SORD: variants seen among roughly 807,000 people sequenced by gnomAD.
SORD encodes the protein (R,R)-butanediol dehydrogenase.
Under a neutral mutation model 35.6 loss-of-function variants are expected in SORD, and 18 were observed. The ratio of observed to expected loss-of-function variants is 0.51; its 90% CI spans 0.35 to 0.75. The LOEUF (loss-of-function observed/expected upper bound fraction) is 0.75. Among genes scored for constraint, SORD ranks in the 30% least tolerant of loss-of-function variants. SORD has a pLI of 0.01. For synonymous variants in SORD, 106 were observed against 152.9 expected, an observed-to-expected ratio of 0.69 and a Z score of 2.26; for missense variants, 250 against 390.2, an observed-to-expected ratio of 0.64 and a Z score of 3.03.
At chr15:45,028,040 A>G (rs1892705962) in intron 1 of SORD, among the ~76,000 whole-genome samples, 1 of 152,258 alleles carries the variant, frequency 6.6e-6, no homozygotes, top group Admixed American at 6.5e-5. Flanking sequence ...AAAATGCTAT[A>G]AACAGCCAGG....
chr15:45,060,843 A>G, intron 3 of SORD: 1 of 862,908 alleles, frequency 1.2e-6, no homozygotes, highest in East Asian at 3.3e-5. Context: ...TCTGTGCTTC[A>G]TCCCAAGTTT....
intron 3 of SORD, among the ~76,000 whole-genome samples, chr15:45,049,932 A>T (rs954779646): frequency 5.9e-5 from 9 of 152,260 alleles, no homozygotes; most frequent in African/African-American, 2.2e-4. Flanking sequence ...TGTCAAAAAC[A>T]AATCACAGTA....
chr15:45,062,735 G>A (rs71480279), intron 4 of SORD, among the ~76,000 whole-genome samples: 11,652 of 131,084 alleles, frequency 0.089, 165 homozygotes, highest in African/African-American at 0.15. Flanking sequence ...GACACCAAAC[G>A]AAAGTTTCAT....
At chr15:45,063,288 G>A (rs530880545) in intron 4 of SORD, among the ~76,000 whole-genome samples, 44 of 152,142 alleles carry the variant, frequency 2.9e-4, no homozygotes, top group Admixed American at 1.2e-3. Flanking sequence ...CTTCTCCTTG[G>A]CTTCTTGATC....
chr15:45,045,610 A>G (rs1338130510), intron 3 of SORD, among the ~76,000 whole-genome samples: 1 of 151,406 alleles, frequency 6.6e-6, no homozygotes, highest in Non-Finnish European at 1.5e-5. Flanking sequence ...AGAGTAACAC[A>G]TCTGGGTACA....
intron 4 of SORD, among the ~76,000 whole-genome samples, chr15:45,063,506 G>A (rs1893356300): frequency 6.6e-6 from 1 of 151,966 alleles, no homozygotes; most frequent in Admixed American, 6.5e-5. Context: ...CAGCGGGGCT[G>A]GCCTCCAGGA....
intron 4 of SORD, among the ~76,000 whole-genome samples, chr15:45,062,217 A>G (rs1489149696): frequency 6.6e-6 from 1 of 152,224 alleles, no homozygotes; most frequent in Non-Finnish European, 1.5e-5. Flanking sequence ...AAGGAAGCTC[A>G]TTGACTTGGG....
intron 1 of SORD, among the ~76,000 whole-genome samples, chr15:45,024,016 G>A (rs1892632320): frequency 6.6e-6 from 1 of 152,150 alleles, no homozygotes; most frequent in South Asian, 2.1e-4. Flanking sequence ...TCACTTTCCA[G>A]CAGTTTTTCT....
chr15:45,050,217 G>T (rs550698980), intron 3 of SORD, among the ~76,000 whole-genome samples: 1 of 152,296 alleles, frequency 6.6e-6, no homozygotes, highest in East Asian at 1.9e-4. Flanking sequence ...GAGTAGCTGG[G>T]ACTACAGGCA....
At chr15:45,065,218 T>G in intron 4 of SORD, 53 bp from the exon 5 acceptor site, 6 of 1,344,882 alleles carry the variant, frequency 4.5e-6, no homozygotes, top group Non-Finnish European at 6.3e-6. Flanking sequence ...ATAATACTAT[T>G]GTTAGCATTG....
At chr15:45,052,362 T>C (rs545555101) in intron 3 of SORD, among the ~76,000 whole-genome samples, 1 of 152,302 alleles carries the variant, frequency 6.6e-6, no homozygotes, top group Admixed American at 6.5e-5. Flanking sequence ...GGTGGCTTCC[T>C]CTTGACTATT....
At chr15:45,062,734 C>T (rs533562768) in intron 4 of SORD, among the ~76,000 whole-genome samples, 4 of 136,338 alleles carry the variant, frequency 2.9e-5, no homozygotes, top group South Asian at 2.4e-4. Flanking sequence ...AGACACCAAA[C>T]GAAAGTTTCA....
intron 5 of SORD, among the ~76,000 whole-genome samples, chr15:45,067,913 C>T (rs1008541267): frequency 3.3e-5 from 5 of 152,110 alleles, no homozygotes; most frequent in African/African-American, 9.7e-5. Flanking sequence ...TCCACTAGTG[C>T]CCAGGAGTAA....
intron 3 of SORD, among the ~76,000 whole-genome samples, chr15:45,052,950 G>A (rs373561336): frequency 4.6e-5 from 7 of 152,286 alleles, no homozygotes; most frequent in East Asian, 3.9e-4. Flanking sequence ...ATCTTGGGGG[G>A]TCATCTCAAG....
chr15:45,054,117 C>G (rs1286504091), intron 3 of SORD, among the ~76,000 whole-genome samples: 3 of 151,972 alleles, frequency 2.0e-5, no homozygotes, highest in African/African-American at 4.8e-5. Flanking sequence ...GTGTGCATGT[C>G]TCTTTATAGC....
At chr15:45,032,614 C>T (rs1348626339) in intron 1 of SORD, among the ~76,000 whole-genome samples, 1 of 152,134 alleles carries the variant, frequency 6.6e-6, no homozygotes, top group Non-Finnish European at 1.5e-5. Flanking sequence ...GTTTAGGAGT[C>T]TCCAGGGTCA....
chr15:45,066,399 C>T (rs1344725737), intron 5 of SORD, among the ~76,000 whole-genome samples: 1 of 151,860 alleles, frequency 6.6e-6, no homozygotes, highest in East Asian at 2.0e-4. Context: ...GCAACCTCCA[C>T]CTTAGAGAAA....
chr15:45,054,687 T>G, intron 3 of SORD, among the ~76,000 whole-genome samples: 1 of 152,234 alleles, frequency 6.6e-6, no homozygotes, highest in East Asian at 1.9e-4. Flanking sequence ...CTGTTGCCAT[T>G]GCTTTTGGTG....
At chr15:45,062,349 G>A (rs1243006681) in intron 4 of SORD, among the ~76,000 whole-genome samples, 1 of 152,248 alleles carries the variant, frequency 6.6e-6, no homozygotes, top group Non-Finnish European at 1.5e-5. Flanking sequence ...TCTGGAGGAA[G>A]CAAAGTGCCT....
Sources: allele counts gnomAD v4.1 joint callset (sites outside exome capture counted in the v4.1 genomes callset), GRCh38; gene constraint gnomAD v4.1.1; transcripts MANE v1.5; gene names NCBI Gene and HGNC (gene_info 2026-07-23, HGNC 2026-07-21).